FER: variants seen among roughly 807,000 people sequenced by gnomAD.
FER encodes the protein tyrosine-protein kinase Fer.
A neutral mutation model predicts 111.0 loss-of-function variants in FER; 63 were observed. The ratio of observed to expected loss-of-function variants is 0.57; its 90% CI spans 0.46 to 0.70. FER has a LOEUF of 0.70. Ranked by LOEUF, FER falls within the 30% of genes least tolerant of loss-of-function variation. The pLI is 0.00. For missense variants in FER, 914 were observed against 954.0 expected (o/e 0.96, Z 0.55); for synonymous variants, 327 against 313.9 (o/e 1.04, Z -0.44).
chr5:108,956,414 T>A (rs917058765), intron 12 of FER, among the ~76,000 whole-genome samples: 22 of 151,676 alleles, frequency 1.5e-4, no homozygotes, highest in Non-Finnish European at 2.7e-4. Flanking sequence ...ACCTGAAATA[T>A]TTGTCTTATT....
intron 10 of FER, among the ~76,000 whole-genome samples, chr5:108,912,484 C>T (rs1221454725): frequency 3.3e-5 from 5 of 152,176 alleles, no homozygotes; most frequent in Non-Finnish European, 5.9e-5. Flanking sequence ...GCCTCAGCCT[C>T]TCAAGTAGCT....
At chr5:108,977,216 T>C (rs1761470496) in intron 13 of FER, among the ~76,000 whole-genome samples, 1 of 152,226 alleles carries the variant, frequency 6.6e-6, no homozygotes, top group Non-Finnish European at 1.5e-5. Context: ...ATTTTTATGT[T>C]CATATTTTTC....
At chr5:108,909,107 T>G (rs1431155144) in intron 10 of FER, among the ~76,000 whole-genome samples, 2 of 152,236 alleles carry the variant, frequency 1.3e-5, no homozygotes, top group Admixed American at 1.3e-4. Context: ...TGACAATGTA[T>G]GTAGTGAAGG....
chr5:108,976,020 G>A (rs1761289763), intron 13 of FER, among the ~76,000 whole-genome samples: 1 of 152,132 alleles, frequency 6.6e-6, no homozygotes, highest in African/African-American at 2.4e-5. Flanking sequence ...GAATTTAGAA[G>A]CAACCTCAGG....
intron 17 of FER, among the ~76,000 whole-genome samples, chr5:109,124,005 C>T (rs547355716): frequency 1.3e-5 from 2 of 152,020 alleles, no homozygotes; most frequent in East Asian, 3.9e-4. Context: ...CGAGGTAGAT[C>T]ACTGAGTCCA....
rs372884841 is a variant in FER at position 108,897,494 on chromosome 5, G to A, written c.1047-165G>A. 1.1e-3 allele frequency among the ~76,000 whole-genome samples: 175 copies of A among 152,244 alleles called. 1 individual carries two copies. The highest frequency in any genetic ancestry group is 3.9e-3 in the African/African-American group (160 of 41,554). ...CATTATATTTTGTTAATGCTAGCAT[G>A]TAATAAATACTGTGATAACTTAAAA... On this transcript the variant is annotated intron_variant, in intron 9 of 19. Coordinates refer to ENST00000281092, the MANE Select transcript of FER (RefSeq NM_005246.4).
chr5:108,998,605 G>T (rs924719492), intron 13 of FER, among the ~76,000 whole-genome samples: 20 of 152,128 alleles, frequency 1.3e-4, no homozygotes, highest in African/African-American at 3.9e-4. Context: ...CGCATTAATG[G>T]CTCTTATTAA....
intron 13 of FER, among the ~76,000 whole-genome samples, chr5:108,997,120 C>A (rs933402141): frequency 2.0e-5 from 3 of 151,754 alleles, no homozygotes; most frequent in African/African-American, 7.3e-5. Context: ...TATCCTGAGA[C>A]TTTGCTAAAG....
chr5:109,141,784 A>T (rs1234378121), intron 17 of FER, among the ~76,000 whole-genome samples: 1 of 152,166 alleles, frequency 6.6e-6, no homozygotes, highest in Non-Finnish European at 1.5e-5. Context: ...TGTGGTGGAG[A>T]TATGTAATCC....
At chr5:108,844,654 T>G (rs1421267003) in intron 5 of FER, among the ~76,000 whole-genome samples, 1 of 152,100 alleles carries the variant, frequency 6.6e-6, no homozygotes, top group Non-Finnish European at 1.5e-5. Flanking sequence ...CTTCCACCTC[T>G]CTGTGATCTT....
chr5:108,874,219 C>G (rs1039471127), intron 8 of FER, among the ~76,000 whole-genome samples: 2 of 152,034 alleles, frequency 1.3e-5, no homozygotes, highest in South Asian at 4.1e-4. Flanking sequence ...CTGTTATAAG[C>G]TTATGTAAAA....
intron 17 of FER, among the ~76,000 whole-genome samples, chr5:109,162,285 A>G (rs1477074753): frequency 1.3e-5 from 2 of 152,196 alleles, no homozygotes; most frequent in African/African-American, 4.8e-5. Context: ...TGAAAGAATT[A>G]GTCATTATAA....
intron 17 of FER, among the ~76,000 whole-genome samples, chr5:109,127,233 T>G (rs1305107362): frequency 1.3e-5 from 2 of 152,182 alleles, no homozygotes; most frequent in African/African-American, 2.4e-5. Flanking sequence ...ATCCATTATT[T>G]TAAAACTGTC....
intron 2 of FER, among the ~76,000 whole-genome samples, chr5:108,790,235 C>CA (rs113538613): frequency 1.1e-4 from 16 of 145,094 alleles, no homozygotes; most frequent in African/African-American, 3.3e-4. Context: ...TGCATACACA[C>CA]CACACACACA....
intron 2 of FER, among the ~76,000 whole-genome samples, chr5:108,790,635 T>A (rs961678024): frequency 2.0e-5 from 3 of 152,224 alleles, no homozygotes; most frequent in African/African-American, 7.2e-5. Context: ...TATGCTGTAG[T>A]AATTTTTTTA....
At chr5:108,785,668 GA>G (rs1754628871) in intron 2 of FER, 1 of 339,164 alleles carries the variant, frequency 2.9e-6, no homozygotes, top group Non-Finnish European at 5.7e-6. Context: ...TGTTTTTGTT[GA>G]GGTTCCTAGT....
At chr5:109,028,886 G>A (rs1429813517) in intron 13 of FER, among the ~76,000 whole-genome samples, 1 of 151,680 alleles carries the variant, frequency 6.6e-6, no homozygotes, top group East Asian at 1.9e-4. Flanking sequence ...CTTACCAGGG[G>A]CTGATCACAT....
intron 3 of FER, among the ~76,000 whole-genome samples, chr5:108,817,586 C>T (rs1272643928): frequency 3.9e-5 from 6 of 152,104 alleles, no homozygotes; most frequent in Non-Finnish European, 8.8e-5. Context: ...GAGTCATCTT[C>T]GTGATTTATT....
At chr5:108,966,028 T>C (rs1206207009) in intron 13 of FER, among the ~76,000 whole-genome samples, 6 of 152,184 alleles carry the variant, frequency 3.9e-5, no homozygotes, top group Non-Finnish European at 7.4e-5. Flanking sequence ...CCAGCAGATA[T>C]TTTGAGGAAA....
Sources: allele counts gnomAD v4.1 joint callset (sites outside exome capture counted in the v4.1 genomes callset), GRCh38; gene constraint gnomAD v4.1.1; transcripts MANE v1.5; gene names NCBI Gene and HGNC (gene_info 2026-07-23, HGNC 2026-07-21).